The following OR2L13 variants were observed in gnomAD, a reference collection of about 807,000 sequenced individuals.
OR2L13 encodes olfactory receptor 2L13.
OR2L13 carries 14 observed loss-of-function variants against 15.3 expected under a neutral mutation model. That is an observed-to-expected ratio of 0.91 (90% CI 0.60 to 1.43). The LOEUF (loss-of-function observed/expected upper bound fraction) is 1.43. Ranked by LOEUF, OR2L13 falls within the 40% of genes most tolerant of loss-of-function variation. The probability of loss-of-function intolerance (pLI) is 0.00; values close to 1 mark genes in which losing one functional copy is unlikely to be tolerated. For missense variants in OR2L13, 367 were observed against 387.9 expected, an observed-to-expected ratio of 0.95 and a Z score of 0.45; for synonymous variants, 152 against 142.9, an observed-to-expected ratio of 1.06 and a Z score of -0.45.
At chr1:247,999,791 C>T in the OR2L13 span, among the ~76,000 whole-genome samples, 1 of 152,066 alleles carries the variant, frequency 6.6e-6, no homozygotes, top group African/African-American at 2.4e-5. Flanking sequence ...GTACAGACAG[C>T]TTGTTTTAAG....
the OR2L13 span, among the ~76,000 whole-genome samples, chr1:247,970,174 A>T: frequency 1.6e-3 from 249 of 152,260 alleles, 1 homozygote; most frequent in African/African-American, 5.9e-3. Context: ...TTGTAAACAA[A>T]GAATCTGGAT....
the OR2L13 span, among the ~76,000 whole-genome samples, chr1:248,068,811 G>C: frequency 6.6e-6 from 1 of 152,148 alleles, no homozygotes; most frequent in Admixed American, 6.5e-5. Context: ...CAAGGCTCGA[G>C]AACTACATGA....
the OR2L13 span, among the ~76,000 whole-genome samples, chr1:248,027,178 A>C: frequency 6.8e-4 from 104 of 152,266 alleles, no homozygotes; most frequent in African/African-American, 2.4e-3. Flanking sequence ...TTACAGTCAT[A>C]GATAAGGGAC....
the OR2L13 span, chr1:248,061,054 A>G: frequency 2.5e-6 from 4 of 1,613,986 alleles, no homozygotes; most frequent in South Asian, 1.1e-5. Flanking sequence ...TTACATTGCT[A>G]TTTGCTTTCC....
At chr1:247,963,616 G>A in the OR2L13 span, among the ~76,000 whole-genome samples, 3 of 152,084 alleles carry the variant, frequency 2.0e-5, no homozygotes, top group African/African-American at 7.2e-5. Context: ...TTTTTCTTAT[G>A]TCTATGTTTT....
chr1:248,002,397 T>C, the OR2L13 span, among the ~76,000 whole-genome samples: 1 of 151,918 alleles, frequency 6.6e-6, no homozygotes, highest in Non-Finnish European at 1.5e-5. Context: ...ACTAATACTT[T>C]GGCTCCAGCA....
At chr1:247,991,097 A>G in the OR2L13 span, 3 of 1,601,838 alleles carry the variant, frequency 1.9e-6, no homozygotes, top group Non-Finnish European at 2.6e-6. Flanking sequence ...GCTGTCTTCT[A>G]CACCATCCTC....
At chr1:247,978,258 T>C in the OR2L13 span, among the ~76,000 whole-genome samples, 1 of 152,150 alleles carries the variant, frequency 6.6e-6, no homozygotes. Flanking sequence ...AGCTGACATA[T>C]GATTATTAAA....
At chr1:248,068,682 C>T in the OR2L13 span, among the ~76,000 whole-genome samples, 1 of 152,042 alleles carries the variant, frequency 6.6e-6, no homozygotes, top group East Asian at 1.9e-4. Flanking sequence ...CTCCGAGCTA[C>T]AGGAGGAAAT....
the OR2L13 span, among the ~76,000 whole-genome samples, chr1:247,959,225 A>T: frequency 6.6e-6 from 1 of 152,004 alleles, no homozygotes; most frequent in Admixed American, 6.6e-5. Context: ...TGGATATGAA[A>T]TTCTGGGTTG....
chr1:248,021,850 A>T, the OR2L13 span: 1 of 875,478 alleles, frequency 1.1e-6, no homozygotes, highest in Non-Finnish European at 1.8e-6. Flanking sequence ...TCAGGCATTC[A>T]CTGGAGGCCT....
the OR2L13 span, among the ~76,000 whole-genome samples, chr1:248,079,533 A>C: frequency 6.6e-6 from 1 of 152,190 alleles, no homozygotes; most frequent in Non-Finnish European, 1.5e-5. Flanking sequence ...AGACAGGATG[A>C]TTATTCTACC....
chr1:247,955,001 GGTTA>G, the OR2L13 span, among the ~76,000 whole-genome samples: 2 of 151,670 alleles, frequency 1.3e-5, no homozygotes, highest in Non-Finnish European at 2.9e-5. Flanking sequence ...ATAACGTGCA[GGTTA>G]GTTACATATG....
the OR2L13 span, among the ~76,000 whole-genome samples, chr1:248,079,285 A>C: frequency 6.6e-6 from 1 of 152,118 alleles, no homozygotes; most frequent in East Asian, 1.9e-4. Context: ...AATGTCCTAA[A>C]ATTCAACACA....
At chr1:248,016,719 T>A in the OR2L13 span, among the ~76,000 whole-genome samples, 1 of 151,950 alleles carries the variant, frequency 6.6e-6, no homozygotes, top group Admixed American at 6.6e-5. Context: ...AATGTATATT[T>A]ATATATGTAA....
chr1:247,968,050 A>G, the OR2L13 span, among the ~76,000 whole-genome samples: 1 of 152,088 alleles, frequency 6.6e-6, no homozygotes, highest in Non-Finnish European at 1.5e-5. Context: ...TTTCTGTTAC[A>G]GAAAGTAGAA....
At chr1:247,980,989 C>G in the OR2L13 span, 15 of 152,108 alleles carry the variant, frequency 9.9e-5, no homozygotes, top group Non-Finnish European at 2.1e-4. Context: ...GAAGAAGGGA[C>G]TCTGGCAACT....
the OR2L13 span, among the ~76,000 whole-genome samples, chr1:247,964,606 TA>T: frequency 6.6e-6 from 1 of 152,050 alleles, no homozygotes; most frequent in Non-Finnish European, 1.5e-5. Flanking sequence ...GTTTTTAGAA[TA>T]ATATTTAATA....
the OR2L13 span, chr1:248,061,410 C>T: frequency 1.9e-6 from 3 of 1,614,018 alleles, no homozygotes; most frequent in Non-Finnish European, 2.5e-6. Context: ...GCAGCACCCA[C>T]CTCACTGTAG....
Sources: gnomAD v4.1 joint callset for allele counts (sites outside exome capture counted in the v4.1 genomes callset) on GRCh38, gnomAD v4.1.1 for gene constraint, MANE v1.5 for transcripts, NCBI Gene and HGNC (gene_info 2026-07-23, HGNC 2026-07-21) for gene names.